Variants in ALK observed in about 807,000 individuals in gnomAD.
ALK encodes ALK receptor tyrosine kinase, also known as ALK tyrosine kinase receptor.
In ALK, 74 loss-of-function variants were observed where a neutral mutation model predicts 163.1. The ratio of observed to expected loss-of-function variants is 0.45; its 90% CI spans 0.38 to 0.55. The LOEUF (loss-of-function observed/expected upper bound fraction) is 0.55. ALK is among the 20% of genes least tolerant of loss of function. The pLI, the probability that ALK is intolerant of heterozygous loss-of-function variation, is 0.00. For synonymous variants in ALK, 960 were observed against 843.2 expected, an observed-to-expected ratio of 1.14 and a Z score of -2.40; for missense variants, 2,063 against 2,105.3, an observed-to-expected ratio of 0.98 and a Z score of 0.39.
At chr2:29,608,559 C>G (rs1323543048) in intron 3 of ALK, among the ~76,000 whole-genome samples, 1 of 152,208 alleles carries the variant, frequency 6.6e-6, no homozygotes, top group African/African-American at 2.4e-5. Flanking sequence ...AAGTTCCAGG[C>G]ACTGTAATGA....
At chr2:29,754,006 G>A (rs557470849) in intron 1 of ALK, among the ~76,000 whole-genome samples, 2 of 152,098 alleles carry the variant, frequency 1.3e-5, no homozygotes, top group East Asian at 1.9e-4. Context: ...CCCACCGACC[G>A]CGCACTATAC....
chr2:29,256,245 T>C (rs1192038989), intron 11 of ALK, among the ~76,000 whole-genome samples: 1 of 152,162 alleles, frequency 6.6e-6, no homozygotes, highest in Non-Finnish European at 1.5e-5. Context: ...TTTGTCCTTC[T>C]TCCTGGGTAA....
chr2:29,602,293 G>A (rs1675401046), intron 3 of ALK, among the ~76,000 whole-genome samples: 3 of 151,422 alleles, frequency 2.0e-5, no homozygotes, highest in Admixed American at 2.0e-4. Context: ...ACATGGACAG[G>A]CTTGGAGAAG....
At position 29,259,913 on chromosome 2, in the gene ALK, T is replaced by C. The variant is rs144966571; in HGVS notation, c.2042-8646A>G. 8.5e-3 allele frequency among the ~76,000 whole-genome samples: 1,289 copies of C among 151,822 alleles called. 9 individuals carry two copies. Among genetic ancestry groups the C allele is most frequent in the Non-Finnish European group, 0.015 (1,034 of 67,914 alleles). ...ATATTCTAGTAAAGTTGCCGGACTTTAAAATAAAAAGAAAAAAATACTTTG... is the reference window on the plus strand; with the variant it reads ...ATATTCTAGTAAAGTTGCCGGACTTCAAAATAAAAAGAAAAAAATACTTTG... On this transcript the variant is annotated intron_variant, in intron 11 of 28. Coordinates refer to ENST00000389048, the MANE Select transcript of ALK (RefSeq NM_004304.5).
At chr2:29,352,698 G>A (rs1010845942) in intron 5 of ALK, among the ~76,000 whole-genome samples, 1 of 152,258 alleles carries the variant, frequency 6.6e-6, no homozygotes, top group Non-Finnish European at 1.5e-5. Context: ...CACCTAGGCT[G>A]TAGTGGTAGA....
chr2:29,539,866 GGTAAA>G (rs1291554717), intron 3 of ALK, among the ~76,000 whole-genome samples: 1 of 151,966 alleles, frequency 6.6e-6, no homozygotes, highest in East Asian at 1.9e-4. Flanking sequence ...ACAACAACTG[GGTAAA>G]GTATAGTTTT....
chr2:29,385,961 C>T (rs762634084), intron 4 of ALK, among the ~76,000 whole-genome samples: 7 of 152,182 alleles, frequency 4.6e-5, no homozygotes, highest in Admixed American at 6.5e-5. Context: ...TTAGGCATAT[C>T]GTCAATCCTG....
At chr2:29,330,978 C>T (rs557320304) in intron 5 of ALK, among the ~76,000 whole-genome samples, 4 of 152,318 alleles carry the variant, frequency 2.6e-5, no homozygotes, top group Non-Finnish European at 4.4e-5. Context: ...TGCTCTATTA[C>T]GTTCGTGGTA....
At chr2:29,280,014 T>G (rs988841664) in intron 9 of ALK, among the ~76,000 whole-genome samples, 5 of 151,852 alleles carry the variant, frequency 3.3e-5, no homozygotes, top group African/African-American at 1.2e-4. Flanking sequence ...GAGGGAAAAT[T>G]CTGTTATATA....
At chr2:29,601,568 T>C (rs1675381436) in intron 3 of ALK, among the ~76,000 whole-genome samples, 1 of 152,124 alleles carries the variant, frequency 6.6e-6, no homozygotes, top group Admixed American at 6.5e-5. Context: ...CAGTGGATTT[T>C]TTCTTCAGTG....
chr2:29,632,820 G>A (rs1573514038), intron 3 of ALK, among the ~76,000 whole-genome samples: 2 of 152,184 alleles, frequency 1.3e-5, no homozygotes, highest in Admixed American at 6.5e-5. Context: ...GGTGGCAGGC[G>A]AAGAGAGGAT....
chr2:29,438,627 A>G (rs4133310), intron 4 of ALK, among the ~76,000 whole-genome samples: 82,665 of 152,092 alleles, frequency 0.54, 24,169 homozygotes, highest in Non-Finnish European at 0.67. Flanking sequence ...TTTGCTGCCA[A>G]TGGTTGAAGG....
chr2:29,706,971 C>G (rs898751075), intron 2 of ALK, among the ~76,000 whole-genome samples: 1 of 107,536 alleles, frequency 9.3e-6, no homozygotes, highest in Non-Finnish European at 2.1e-5. Flanking sequence ...AACACTCATG[C>G]AGAATGTGTG....
intron 1 of ALK, among the ~76,000 whole-genome samples, chr2:29,910,905 A>G (rs1044681755): frequency 6.6e-6 from 1 of 152,224 alleles, no homozygotes; most frequent in Non-Finnish European, 1.5e-5. Context: ...AAGTGCAGCC[A>G]AGATGAAATA....
At chr2:29,426,936 G>A (rs2148071262) in intron 4 of ALK, among the ~76,000 whole-genome samples, 1 of 148,486 alleles carries the variant, frequency 6.7e-6, no homozygotes, top group South Asian at 2.1e-4. Flanking sequence ...TACTCAGAAG[G>A]CTGAGGCAGG....
At chr2:29,699,463 G>A (rs1678669149) in intron 2 of ALK, among the ~76,000 whole-genome samples, 2 of 152,204 alleles carry the variant, frequency 1.3e-5, no homozygotes, top group African/African-American at 2.4e-5. Context: ...AATATCCAGT[G>A]TTGTTCATCT....
At chr2:29,802,260 T>C (rs1448108518) in intron 1 of ALK, among the ~76,000 whole-genome samples, 1 of 147,108 alleles carries the variant, frequency 6.8e-6, no homozygotes, top group African/African-American at 2.5e-5. Flanking sequence ...TCCATGGTCT[T>C]GCTTATCAAG....
intron 5 of ALK, among the ~76,000 whole-genome samples, chr2:29,371,914 A>G (rs1364545583): frequency 6.6e-6 from 1 of 152,192 alleles, no homozygotes; most frequent in Non-Finnish European, 1.5e-5. Context: ...TGTGTCCCAA[A>G]TGGCAAAGAA....
intron 3 of ALK, among the ~76,000 whole-genome samples, chr2:29,540,580 G>GT (rs369817314): frequency 3.4e-3 from 252 of 74,564 alleles, no homozygotes; most frequent in Non-Finnish European, 4.7e-3. Flanking sequence ...GAAGAATTAT[G>GT]TTTTTTTTTT....
Sources: gnomAD v4.1 joint callset for allele counts (sites outside exome capture counted in the v4.1 genomes callset) on GRCh38, gnomAD v4.1.1 for gene constraint, MANE v1.5 for transcripts, NCBI Gene and HGNC (gene_info 2026-07-23, HGNC 2026-07-21) for gene names.